The following LRP12 variants were observed in gnomAD, a reference collection of about 807,000 sequenced individuals.
LRP12 encodes the protein LDL receptor related protein 12, also known as low-density lipoprotein receptor-related protein 12.
LRP12 carries 14 observed loss-of-function variants against 66.0 expected under a neutral mutation model. The ratio of observed to expected loss-of-function variants is 0.21; its 90% CI spans 0.14 to 0.33. The LOEUF is 0.33. Among genes scored for constraint, LRP12 ranks in the 10% least tolerant of loss-of-function variants. LRP12 has a pLI of 1.00. For missense variants in LRP12, 889 were observed against 1,053.4 expected, an observed-to-expected ratio of 0.84 and a Z score of 2.16; for synonymous variants, 357 against 359.1, an observed-to-expected ratio of 0.99 and a Z score of 0.07.
At chr8:104,561,947 A>T (rs970162010) in intron 1 of LRP12, among the ~76,000 whole-genome samples, 1 of 152,166 alleles carries the variant, frequency 6.6e-6, no homozygotes, top group Non-Finnish European at 1.5e-5. Context: ...AATGGTATTT[A>T]GAGACCATAA....
At chr8:104,562,320 A>G (rs895931490) in intron 1 of LRP12, among the ~76,000 whole-genome samples, 3 of 152,178 alleles carry the variant, frequency 2.0e-5, no homozygotes, top group Admixed American at 6.6e-5. Flanking sequence ...CCTTTGACCT[A>G]GTAATTCTAC....
At chr8:104,513,644 G>C (rs928309298) in intron 2 of LRP12, among the ~76,000 whole-genome samples, 1 of 152,008 alleles carries the variant, frequency 6.6e-6, no homozygotes, top group Non-Finnish European at 1.5e-5. Flanking sequence ...CCCAGACTTG[G>C]AACTGTACTA....
chr8:104,512,524 T>C (rs1311381339), intron 2 of LRP12, among the ~76,000 whole-genome samples: 1 of 152,190 alleles, frequency 6.6e-6, no homozygotes. Flanking sequence ...CAATTATAAT[T>C]CTGTACTACC....
At chr8:104,588,036 A>T (rs553106138) in intron 1 of LRP12, among the ~76,000 whole-genome samples, 1 of 152,338 alleles carries the variant, frequency 6.6e-6, no homozygotes, top group Admixed American at 6.5e-5. Flanking sequence ...CTGTCCGCAC[A>T]GTCTTCAGCC....
chr8:104,495,270 T>G, intron 5 of LRP12, 61 bp from the exon 6 acceptor site: 7 of 1,513,664 alleles, frequency 4.6e-6, no homozygotes, highest in Non-Finnish European at 6.4e-6. Flanking sequence ...AGAACAATTT[T>G]CTATTATCAG....
intron 1 of LRP12, among the ~76,000 whole-genome samples, chr8:104,549,852 A>G (rs1811700900): frequency 6.6e-6 from 1 of 152,156 alleles, no homozygotes; most frequent in Non-Finnish European, 1.5e-5. Context: ...TGAAAACTCT[A>G]TCAGCCCTCC....
At chr8:104,547,005 T>C (rs1177525090) in intron 1 of LRP12, among the ~76,000 whole-genome samples, 1 of 144,820 alleles carries the variant, frequency 6.9e-6, no homozygotes, top group African/African-American at 2.5e-5. Context: ...TATATAATTA[T>C]ATATTCTGTA....
At position 104,574,786 on chromosome 8, in the gene LRP12, G is replaced by A. The variant is rs1209021742; in HGVS notation, c.79+14033C>T. On this transcript the variant is annotated intron_variant, in intron 1 of 6. Transcript: ENST00000276654. ...AAATGATAGTATTTTAGATATATTA[G>A]TTTTAAAATATTAACATTAATTTCA... 2.6e-5 allele frequency among the ~76,000 whole-genome samples: 4 copies of A among 152,032 alleles called. 1 individual carries two copies. Among genetic ancestry groups the A allele is most frequent in the Non-Finnish European group, 5.9e-5 (4 of 68,018 alleles).
At chr8:104,580,358 T>TACAA (rs1554712302) in intron 1 of LRP12, among the ~76,000 whole-genome samples, 26 of 92,192 alleles carry the variant, frequency 2.8e-4, no homozygotes, top group South Asian at 3.5e-4. Flanking sequence ...CTACTAAAAA[T>TACAA]AAAAAAAAAA....
Position 104,497,829 on chromosome 8 carries a change from C to T in LRP12, c.723G>A (p.Gly241=), listed in dbSNP as rs539420600. The T allele has an allele frequency of 2.5e-6, 4 of 1,614,166 alleles. No homozygotes were observed. In the South Asian group the frequency reaches 4.4e-5, roughly 18 times the overall value. ...CTCCTAGGTCAAGGCAGTCAATGTT[C>T]CCATCACATTTTAAAGATTCGGGGA... The part of the protein sequence containing the change: ...TCLPESLKCD[G]NIDCLDLGDE... The change falls in exon 5 of 7, where the codon GGG becomes GGA. Residue 241 remains glycine, a synonymous_variant. Coordinates refer to ENST00000276654, the MANE Select transcript of LRP12 (RefSeq NM_013437.5). The surrounding 1 kb of genome is among the most constrained non-coding windows in gnomAD (Gnocchi z 4.3).
chr8:104,547,577 T>G (rs1337666442), intron 1 of LRP12, among the ~76,000 whole-genome samples: 1 of 123,578 alleles, frequency 8.1e-6, no homozygotes, highest in Non-Finnish European at 1.6e-5. Context: ...ATAATTATTA[T>G]ATATTAATAT....
chr8:104,519,312 A>AT (rs1378663176), intron 2 of LRP12, among the ~76,000 whole-genome samples: 1 of 152,022 alleles, frequency 6.6e-6, no homozygotes, highest in Non-Finnish European at 1.5e-5. Context: ...CATGAGTAAG[A>AT]TTTCCTTAGA....
intron 1 of LRP12, among the ~76,000 whole-genome samples, chr8:104,540,043 T>C (rs548286918): frequency 3.3e-5 from 5 of 152,120 alleles, no homozygotes; most frequent in Non-Finnish European, 7.4e-5. Flanking sequence ...GAGTGGTCAC[T>C]TTCTCACTGA....
intron 3 of LRP12, chr8:104,506,076 A>T (rs552968442): frequency 3.3e-5 from 5 of 152,232 alleles, no homozygotes; most frequent in South Asian, 4.2e-4. Context: ...TACACGTAAA[A>T]TTTTTTCTTT....
intron 1 of LRP12, among the ~76,000 whole-genome samples, chr8:104,554,741 G>C (rs1461274174): frequency 6.6e-6 from 1 of 152,118 alleles, no homozygotes; most frequent in Non-Finnish European, 1.5e-5. Flanking sequence ...GACTTTGCTA[G>C]AGATCTAGAC....
chr8:104,564,473 C>T (rs1811963275), intron 1 of LRP12, among the ~76,000 whole-genome samples: 1 of 151,982 alleles, frequency 6.6e-6, no homozygotes, highest in South Asian at 2.1e-4. Context: ...TGAATGTGCG[C>T]AGGGGCATTA....
intron 1 of LRP12, among the ~76,000 whole-genome samples, chr8:104,553,369 G>A (rs888904207): frequency 2.6e-5 from 4 of 152,104 alleles, no homozygotes; most frequent in Admixed American, 2.0e-4. Context: ...CTTGCTCACC[G>A]GCTGCCTGGA....
intron 1 of LRP12, among the ~76,000 whole-genome samples, chr8:104,533,908 T>G (rs1811360942): frequency 6.6e-6 from 1 of 151,988 alleles, no homozygotes; most frequent in East Asian, 1.9e-4. Context: ...TATTGAAGAT[T>G]GTGGATTCTG....
chr8:104,533,878 A>C (rs1473446383), intron 1 of LRP12, among the ~76,000 whole-genome samples: 2 of 151,992 alleles, frequency 1.3e-5, no homozygotes, highest in Non-Finnish European at 2.9e-5. Context: ...AACAGAAGGC[A>C]AAAAACCAGC....
Sources: allele counts gnomAD v4.1 joint callset (sites outside exome capture counted in the v4.1 genomes callset), GRCh38; gene constraint gnomAD v4.1.1; non-coding constraint Gnocchi (gnomAD v3.1); transcripts MANE v1.5; gene names NCBI Gene and HGNC (gene_info 2026-07-23, HGNC 2026-07-21).